The following DOCK7 variants were observed in gnomAD, a reference collection of about 807,000 sequenced individuals.
The protein encoded by DOCK7 is dedicator of cytokinesis protein 7.
In DOCK7, 138 loss-of-function variants were observed where a neutral mutation model predicts 271.0. The ratio of observed to expected loss-of-function variants is 0.51; its 90% CI spans 0.44 to 0.59. The LOEUF is 0.59. DOCK7 is among the 20% of genes least tolerant of loss of function. The pLI, the probability that DOCK7 is intolerant of heterozygous loss-of-function variation, is 0.00. For synonymous variants in DOCK7, 823 were observed against 876.1 expected (o/e 0.94, Z 1.07); for missense variants, 2,066 against 2,592.4 (o/e 0.80, Z 4.41).
In DOCK7 at chr1:62,618,830, G is replaced by C; in HGVS notation, c.1558C>G (p.Pro520Ala). ...AGCTCCGGAGTTAGGCAATAATGGG[G>C]ATTTTCAGGTGCGGGAGAAATGTCT... ...KIDISPAPEN[P>A]HYCLTPELLQ... Residue 520 changes from proline to alanine, a missense_variant, in exon 14 of 50, where the codon CCC becomes GCC. Transcript: ENST00000635253. The C allele has an allele frequency of 6.2e-7, 1 of 1,613,794 alleles. No individual in the cohort carries two copies. The highest frequency in any genetic ancestry group is 8.5e-7 in the Non-Finnish European group (1 of 1,179,774).
rs141407091 is a variant in DOCK7 at position 62,501,051 on chromosome 1, G to A, written c.4764+3579C>T. On this transcript the variant is annotated intron_variant, in intron 37 of 49. Coordinates refer to ENST00000635253, the MANE Select transcript of DOCK7 (RefSeq NM_001367561.1). ...AACGCTGTCTCTATTTTTAAAAGGGGGGGTGAGTGGGGTGGGCAGGGCGAG... is the reference window on the plus strand; with the variant it reads ...AACGCTGTCTCTATTTTTAAAAGGGAGGGTGAGTGGGGTGGGCAGGGCGAG... Among the ~76,000 whole-genome samples, 381 of 152,044 alleles carry A rather than the reference G, an allele frequency of 2.5e-3. 4 individuals carry two copies. Among genetic ancestry groups the A allele is most frequent in the East Asian group, 0.011 (58 of 5,162 alleles).
intron 43 of DOCK7, chr1:62,482,344 A>T (rs1028487848): frequency 8.0e-6 from 1 of 125,290 alleles, no homozygotes; most frequent in African/African-American, 2.8e-5. Flanking sequence ...GACTCTAAGC[A>T]TTTTTTTTTT....
intron 37 of DOCK7, among the ~76,000 whole-genome samples, chr1:62,498,119 G>A (rs146479011): frequency 0.012 from 1,795 of 151,514 alleles, 11 homozygotes; most frequent in Non-Finnish European, 0.017. Flanking sequence ...TGGTACATGC[G>A]TGTAGTCCCA....
At chr1:62,593,681 G>C (rs757391303) in intron 14 of DOCK7, among the ~76,000 whole-genome samples, 10 of 152,064 alleles carry the variant, frequency 6.6e-5, no homozygotes, top group Non-Finnish European at 1.2e-4. Flanking sequence ...AAAACAGTAA[G>C]ATAGATAAAA....
Position 62,494,432 on chromosome 1 carries a change from C to A in DOCK7, c.5060G>T (p.Arg1687Leu). ...AKGYQTSPDL[R>L]LTWLQNMAGK... ...TGCCATGTTCTGCAACCAGGTCAAT[C>A]GCAGATCTGGAGAGGTCTGGTAACC... Residue 1687 changes from arginine (R) to leucine (L), a missense_variant, in exon 40 of 50, where the codon CGA becomes CTA. Coordinates refer to ENST00000635253, the MANE Select transcript of DOCK7 (RefSeq NM_001367561.1). The A allele has an allele frequency of 6.2e-7, 1 of 1,612,308 alleles. No individual in the cohort carries two copies. Among genetic ancestry groups the A allele is most frequent in the Non-Finnish European group, 8.5e-7 (1 of 1,178,708 alleles).
chr1:62,522,248 G>T (rs1345782271), intron 31 of DOCK7, among the ~76,000 whole-genome samples: 3 of 151,838 alleles, frequency 2.0e-5, no homozygotes, highest in African/African-American at 7.3e-5. Flanking sequence ...AACCTGAAAA[G>T]AATATAAGAA....
intron 9 of DOCK7, 58 bp from the exon 10 acceptor site, chr1:62,633,636 G>T: frequency 8.2e-7 from 1 of 1,219,202 alleles, no homozygotes. Flanking sequence ...TTCAAGGATG[G>T]TTCAATATAC....
intron 43 of DOCK7, chr1:62,479,791 C>T (rs1646067696): frequency 3.9e-6 from 1 of 256,718 alleles, no homozygotes; most frequent in Non-Finnish European, 8.2e-6. Flanking sequence ...TCAAGCGATC[C>T]TTCCACCTCA....
intron 1 of DOCK7, 41 bp downstream of exon 1, chr1:62,688,186 C>G (rs1324872597): frequency 7.4e-7 from 1 of 1,357,768 alleles, no homozygotes; most frequent in African/African-American, 1.5e-5. Context: ...GCGGCTCTTT[C>G]TCGGGCGGCG....
intron 48 of DOCK7, among the ~76,000 whole-genome samples, chr1:62,462,914 C>CTTTTT (rs34400688): frequency 5.2e-4 from 41 of 79,350 alleles, no homozygotes; most frequent in East Asian, 8.6e-4. Context: ...GTAGAAAAAG[C>CTTTTT]TTTTTTTTTT....
At chr1:62,560,250 T>C (rs1646279264) in intron 19 of DOCK7, among the ~76,000 whole-genome samples, 1 of 152,168 alleles carries the variant, frequency 6.6e-6, no homozygotes, top group Admixed American at 6.6e-5. Context: ...ACACCACCCT[T>C]TCTGTGTATA....
chr1:62,671,757 C>A (rs1660031620), intron 1 of DOCK7, among the ~76,000 whole-genome samples: 2 of 151,998 alleles, frequency 1.3e-5, no homozygotes, highest in South Asian at 2.1e-4. Context: ...AAAACTACTA[C>A]CAAAACACAA....
intron 35 of DOCK7, among the ~76,000 whole-genome samples, chr1:62,507,370 T>C (rs1646973621): frequency 6.6e-6 from 1 of 152,240 alleles, no homozygotes; most frequent in African/African-American, 2.4e-5. Flanking sequence ...AACATCTTTG[T>C]GCCTAAGTGT....
At position 62,617,051 on chromosome 1, in the gene DOCK7, T is replaced by A. The variant is rs1198857282; in HGVS notation, c.1682+1655A>T. Among the ~76,000 whole-genome samples, 2 of 145,448 alleles carry A rather than the reference T, an allele frequency of 1.4e-5. 1 individual carries two copies. The highest frequency in any genetic ancestry group is 4.0e-4 in the East Asian group (2 of 5,024). Reference sequence around the variant, plus strand: ...AAAGATACGAAAGCTTTCAGTGAAATGAGCAAACTAAGGAAAATACATGAA... The same window carrying A: ...AAAGATACGAAAGCTTTCAGTGAAAAGAGCAAACTAAGGAAAATACATGAA... On this transcript the variant is annotated intron_variant, in intron 14 of 49. Transcript: ENST00000635253.
intron 14 of DOCK7, among the ~76,000 whole-genome samples, chr1:62,599,915 TCAAA>T (rs1322573270): frequency 1.3e-5 from 2 of 151,938 alleles, no homozygotes; most frequent in Non-Finnish European, 2.9e-5. Context: ...AATAATACTC[TCAAA>T]CAGCTATTCA....
At chr1:62,658,719 G>A (rs1472392239) in intron 2 of DOCK7, among the ~76,000 whole-genome samples, 2 of 152,094 alleles carry the variant, frequency 1.3e-5, no homozygotes, top group African/African-American at 4.8e-5. Context: ...GGAGGCCAAG[G>A]CAGGTGGATC....
intron 31 of DOCK7, among the ~76,000 whole-genome samples, chr1:62,519,848 A>T (rs985253528): frequency 3.3e-5 from 5 of 152,194 alleles, no homozygotes; most frequent in Admixed American, 3.3e-4. Context: ...ACCTGACTTC[A>T]AACTATACTA....
At chr1:62,687,456 G>A (rs1279271498) in intron 1 of DOCK7, 1 of 152,212 alleles carries the variant, frequency 6.6e-6, no homozygotes. Context: ...AGTGTATAAA[G>A]AACACTGCCT....
intron 43 of DOCK7, chr1:62,478,290 A>T (rs1646022565): frequency 6.6e-6 from 1 of 152,466 alleles, no homozygotes; most frequent in Non-Finnish European, 1.5e-5. Flanking sequence ...CACGTATTAA[A>T]TGAGATTGTA....
Sources: gnomAD v4.1 joint callset for allele counts (sites outside exome capture counted in the v4.1 genomes callset) on GRCh38, gnomAD v4.1.1 for gene constraint, MANE v1.5 for transcripts, NCBI Gene and HGNC (gene_info 2026-07-23, HGNC 2026-07-21) for gene names.